The following FAM107B variants were observed in gnomAD, a reference collection of about 807,000 sequenced individuals.
The protein encoded by FAM107B is family with sequence similarity 107 member B.
A neutral mutation model predicts 31.5 loss-of-function variants in FAM107B; 21 were observed. That is an observed-to-expected ratio of 0.67 (90% CI 0.47 to 0.96). The LOEUF (loss-of-function observed/expected upper bound fraction) is 0.96. Ranked by LOEUF, FAM107B falls within the 40% of genes least tolerant of loss-of-function variation. The pLI is 0.00. For missense variants in FAM107B, 452 were observed against 377.1 expected, an observed-to-expected ratio of 1.20 and a Z score of -1.64; for synonymous variants, 157 against 141.5, an observed-to-expected ratio of 1.11 and a Z score of -0.78.
At chr10:14,535,712 T>A (rs753343430) in intron 2 of FAM107B, among the ~76,000 whole-genome samples, 2 of 152,230 alleles carry the variant, frequency 1.3e-5, no homozygotes, top group South Asian at 4.1e-4. Flanking sequence ...CTGTTCTGAA[T>A]GGAGGGGACT....
chr10:14,723,239 T>G, intron 1 of FAM107B: 1 of 530,926 alleles, frequency 1.9e-6, no homozygotes, highest in South Asian at 1.4e-5. Flanking sequence ...CAGTCTTCTG[T>G]GGTGGGGCCG....
At chr10:14,755,225 T>C (rs1832904471) in intron 1 of FAM107B, among the ~76,000 whole-genome samples, 2 of 152,012 alleles carry the variant, frequency 1.3e-5, no homozygotes, top group South Asian at 4.1e-4. Context: ...CCTGGAGAAA[T>C]CTATTTTGAG....
chr10:14,538,821 T>C (rs780796587), intron 2 of FAM107B, among the ~76,000 whole-genome samples: 7 of 152,174 alleles, frequency 4.6e-5, no homozygotes, highest in Non-Finnish European at 1.0e-4. Context: ...TACAGCATAA[T>C]GGAAAAAAGC....
At chr10:14,749,387 C>T (rs576827957) in intron 1 of FAM107B, among the ~76,000 whole-genome samples, 1 of 152,232 alleles carries the variant, frequency 6.6e-6, no homozygotes, top group African/African-American at 2.4e-5. Context: ...CAGTGAGGTC[C>T]TCCTTCCCCT....
chr10:14,572,478 G>T, intron 2 of FAM107B: 1 of 865,282 alleles, frequency 1.2e-6, no homozygotes, highest in Non-Finnish European at 1.4e-6. Flanking sequence ...AGACCAATCA[G>T]AATGGCCCTC....
At chr10:14,557,155 C>G (rs1442729973) in intron 2 of FAM107B, among the ~76,000 whole-genome samples, 1 of 152,216 alleles carries the variant, frequency 6.6e-6, no homozygotes, top group Non-Finnish European at 1.5e-5. Context: ...CGTGGTCAGT[C>G]TCTGTCCTAA....
rs1459019558 is a variant in FAM107B, at chr10:14,521,927, T to C, written c.746A>G (p.Gln249Arg). The change falls in exon 4 of 5, where the codon CAG becomes CGG. Residue 249 changes from glutamine to arginine, a missense_variant. Coordinates refer to ENST00000181796, the MANE Select transcript of FAM107B (RefSeq NM_031453.4). ...QVIKQKEEEA[Q>R]KKKSDLEIEL... ...TATTTCCAAGTCAGATTTCTTCTTC[T>C]GTGCTTCTTCTTCCTTCTGCTTTAT... The C allele has an allele frequency of 1.2e-6, 2 of 1,614,226 alleles. No homozygotes were observed. Among genetic ancestry groups the C allele is most frequent in the Non-Finnish European group, 8.5e-7 (1 of 1,180,038 alleles).
intron 1 of FAM107B, among the ~76,000 whole-genome samples, chr10:14,773,661 A>G (rs1833354943): frequency 6.6e-6 from 1 of 152,034 alleles, no homozygotes; most frequent in Non-Finnish European, 1.5e-5. Flanking sequence ...ATTTTTTTTA[A>G]ATAACTTCCT....
chr10:14,580,409 T>G (rs1030599875), intron 2 of FAM107B, among the ~76,000 whole-genome samples: 1 of 151,448 alleles, frequency 6.6e-6, no homozygotes, highest in Non-Finnish European at 1.5e-5. Context: ...AAACAGCAAG[T>G]GGTACACACA....
intron 2 of FAM107B, among the ~76,000 whole-genome samples, chr10:14,535,651 G>A (rs766314711): frequency 5.9e-5 from 9 of 152,188 alleles, no homozygotes; most frequent in Non-Finnish European, 1.3e-4. Context: ...GGCTCCAGTC[G>A]TTCAGAGTGG....
At chr10:14,558,809 A>C (rs539526539) in intron 2 of FAM107B, among the ~76,000 whole-genome samples, 1 of 152,252 alleles carries the variant, frequency 6.6e-6, no homozygotes, top group Non-Finnish European at 1.5e-5. Context: ...GTGTAGTGAA[A>C]ATGTGCCTGA....
chr10:14,591,742 C>T (rs987338596), intron 2 of FAM107B, among the ~76,000 whole-genome samples: 1 of 152,192 alleles, frequency 6.6e-6, no homozygotes, highest in Non-Finnish European at 1.5e-5. Flanking sequence ...GCTGAGGCAA[C>T]GTTAAGCCAG....
intron 2 of FAM107B, among the ~76,000 whole-genome samples, chr10:14,623,939 A>G (rs554953303): frequency 6.6e-6 from 1 of 152,342 alleles, no homozygotes; most frequent in Admixed American, 6.5e-5. Flanking sequence ...ATCTTTCTCA[A>G]CGTCAACACT....
At chr10:14,571,697 C>T (rs185524926) in intron 2 of FAM107B, 9 of 879,124 alleles carry the variant, frequency 1.0e-5, no homozygotes, top group South Asian at 1.0e-4. Flanking sequence ...TAAGTTCACA[C>T]AACATTTTCT....
chr10:14,619,270 T>C (rs1476779165), intron 2 of FAM107B, among the ~76,000 whole-genome samples: 2 of 152,208 alleles, frequency 1.3e-5, no homozygotes, highest in African/African-American at 2.4e-5. Flanking sequence ...TTTCACTTAA[T>C]GGGCACTTTT....
chr10:14,647,878 A>G (rs568108705), intron 2 of FAM107B, among the ~76,000 whole-genome samples: 1 of 152,046 alleles, frequency 6.6e-6, no homozygotes, highest in Admixed American at 6.5e-5. Context: ...ACCCTCTAAT[A>G]TTGCCCCAAC....
intron 1 of FAM107B, among the ~76,000 whole-genome samples, chr10:14,697,089 C>T (rs906536337): frequency 2.6e-4 from 39 of 152,160 alleles, no homozygotes; most frequent in African/African-American, 9.2e-4. Flanking sequence ...CATTAGAGTG[C>T]ACGCTTTTTG....
intron 2 of FAM107B, chr10:14,654,017 T>C (rs1853971618): frequency 6.6e-6 from 1 of 152,140 alleles, no homozygotes; most frequent in African/African-American, 2.4e-5. Context: ...ATATTTCTTC[T>C]AACGTCATAA....
intron 2 of FAM107B, among the ~76,000 whole-genome samples, chr10:14,560,498 G>A (rs987528529): frequency 2.6e-5 from 4 of 152,200 alleles, no homozygotes; most frequent in African/African-American, 9.7e-5. Context: ...CCTGCAGGTG[G>A]CAGAAACAAT....
Sources: allele counts gnomAD v4.1 joint callset (sites outside exome capture counted in the v4.1 genomes callset), GRCh38; gene constraint gnomAD v4.1.1; transcripts MANE v1.5; gene names NCBI Gene and HGNC (gene_info 2026-07-23, HGNC 2026-07-21).